Variants in ABCA3 observed in about 807,000 individuals in gnomAD.
ABCA3 encodes the protein phospholipid-transporting ATPase ABCA3.
A neutral mutation model predicts 172.8 loss-of-function variants in ABCA3; 88 were observed. The observed-to-expected ratio is 0.51, with a 90% CI of 0.43 to 0.61. The LOEUF is 0.61. Among genes scored for constraint, ABCA3 ranks in the 20% least tolerant of loss-of-function variants. The probability of loss-of-function intolerance (pLI) is 0.00; values close to 1 mark genes in which losing one functional copy is unlikely to be tolerated. For missense variants in ABCA3, 2,164 were observed against 2,301.0 expected (o/e 0.94, Z 1.22); for synonymous variants, 1,066 against 983.8 (o/e 1.08, Z -1.56).
In ABCA3 at chr16:2,297,861, C is replaced by T. The variant is rs759373802; in HGVS notation, c.1957G>A (p.Gly653Ser). The T allele has an allele frequency of 2.0e-5, 32 of 1,613,692 alleles. No individual in the cohort carries two copies. Among genetic ancestry groups the T allele is most frequent in the Non-Finnish European group, 2.3e-5 (27 of 1,180,040 alleles). ...EEVKQMLHII[G>S]LEDKWNSRSR... ...CGTGAGTTCCACTTGTCCTCCAGGCCGATGATGTGCAGCATCTGCTTGACT... is the reference window on the plus strand; with the variant it reads ...CGTGAGTTCCACTTGTCCTCCAGGCTGATGATGTGCAGCATCTGCTTGACT... Residue 653 changes from glycine to serine, a missense_variant, in exon 16 of 33, where the codon GGC (glycine) becomes AGC (serine). Around this residue, in one of 3 missense-constraint regions of ABCA3, gnomAD observed 1,343 missense variants for 1,369.6 expected, o/e 0.98. Coordinates refer to ENST00000301732, the MANE Select transcript of ABCA3 (RefSeq NM_001089.3). This position sits in a 1 kb window ranked among gnomAD's most constrained non-coding sequence, Gnocchi z 5.6.
chr16:2,297,448 G>A lies in ABCA3; in HGVS notation c.2144C>T (p.Thr715Ile), dbSNP rs1166372031. 1 of 1,613,828 alleles carries A rather than the reference G, an allele frequency of 6.2e-7. No individual in the cohort carries two copies. Among genetic ancestry groups the A allele is most frequent in the South Asian group, 1.1e-5 (1 of 91,084 alleles). The change falls in exon 17 of 33, where the codon ACC (threonine) becomes ATC (isoleucine). Residue 715 changes from threonine (T) to isoleucine (I), a missense_variant. Physicochemically the swap from Thr to Ile is moderately conservative, Grantham distance 89. Coordinates refer to ENST00000301732, the MANE Select transcript of ABCA3 (RefSeq NM_001089.3). The surrounding 1 kb of genome is among the most constrained non-coding windows in gnomAD (Gnocchi z 5.6). ...CATGAAGTGGGTGGTCAGCACGATGGTGCGGTCACTTTTCTGCCGCTGAAG... is the reference window on the plus strand; with the variant it reads ...CATGAAGTGGGTGGTCAGCACGATGATGCGGTCACTTTTCTGCCGCTGAAG... The part of the protein sequence containing the change: ...DLLQRQKSDR[T>I]IVLTTHFMDE...
chr16:2,314,872 C>CTTT lies in ABCA3; in HGVS notation c.1111+2408_1111+2410dup, dbSNP rs35616252. ...ACAGGCATGAGCCATAGTGCCTGGT[C>CTTT]TTTTTTTTTTTTTTTTTTTTTTTTG... On this transcript the variant is annotated intron_variant, in intron 10 of 32. Coordinates refer to ENST00000301732, the MANE Select transcript of ABCA3 (RefSeq NM_001089.3). Among the ~76,000 whole-genome samples the CTTT allele has an allele frequency of 8.2e-4, 77 of 93,484 alleles. 1 individual carries two copies. The highest frequency in any genetic ancestry group is 1.6e-3 in the African/African-American group (36 of 23,094). The allele number at this position is 93,484 out of a possible 152,430, so 61.3% of individuals were successfully genotyped here.
chr16:2,306,774 G>C (rs2093698256), intron 11 of ABCA3, among the ~76,000 whole-genome samples: 1 of 152,126 alleles, frequency 6.6e-6, no homozygotes, highest in Admixed American at 6.5e-5. Context: ...CCAGCACTTT[G>C]GGAGGCCGAG....
intron 2 of ABCA3, among the ~76,000 whole-genome samples, chr16:2,329,183 C>G (rs1029358259): frequency 1.6e-4 from 25 of 152,018 alleles, no homozygotes; most frequent in Admixed American, 2.0e-4. Context: ...GTATGAAGTG[C>G]TATTAAGGGG....
chr16:2,337,412 C>T (rs1250584225), intron 1 of ABCA3, among the ~76,000 whole-genome samples: 2 of 150,036 alleles, frequency 1.3e-5, no homozygotes, highest in Non-Finnish European at 1.5e-5. Context: ...ACTCTTTTGC[C>T]TAGGCTGGAG....
At chr16:2,335,811 GA>G (rs1179581966) in intron 1 of ABCA3, among the ~76,000 whole-genome samples, 1 of 152,166 alleles carries the variant, frequency 6.6e-6, no homozygotes, top group African/African-American at 2.4e-5. Context: ...CTTAAATAGC[GA>G]AAGCTTTACA....
chr16:2,276,927 CACCCCAGA>C lies in ABCA3; in HGVS notation c.4984-130_4984-123del, dbSNP rs1398361535. The C allele has an allele frequency of 1.8e-5, 26 of 1,412,338 alleles. No individual in the cohort carries two copies. The African/African-American group carries it at 3.1e-4, about 17-fold the overall frequency. The allele number at this position is 1,412,338 out of a possible 1,614,324, so 87.5% of individuals were successfully genotyped here. On this transcript the variant is annotated intron_variant, in intron 32 of 32. Coordinates refer to ENST00000301732, the MANE Select transcript of ABCA3 (RefSeq NM_001089.3). The stretch of plus-strand genomic sequence containing the variant: ...CCACAATCCTACCCCTGCCCAGCGC[CACCCCAGA>C]GCCCCAGAGAGGTCAGCCCTGCGAC...
rs2093650137 is a variant in ABCA3 at position 2,278,485 on chromosome 16, GGAA to G, written c.4548-30_4548-28del. The stretch of plus-strand genomic sequence containing the variant: ...TAGAGGCAGGAGGGTGCCAGGTGGG[GGAA>G]TAAGGCTGAGAGTTAGCATTGGCTC... On this transcript the variant is annotated intron_variant, in intron 29 of 32. Coordinates refer to ENST00000301732, the MANE Select transcript of ABCA3 (RefSeq NM_001089.3). The surrounding 1 kb of genome is among the most constrained non-coding windows in gnomAD (Gnocchi z 4.4). 1.2e-6 allele frequency: 2 copies of G among 1,607,522 alleles called. No homozygotes were observed. Among genetic ancestry groups the G allele is most frequent in the South Asian group, 2.2e-5 (2 of 91,084 alleles).
In ABCA3 at chr16:2,285,099, C is replaced by A. The variant is rs957690217; in HGVS notation, c.3484-101G>T. 2.3e-6 allele frequency: 3 copies of A among 1,330,632 alleles called. No homozygotes were observed. The African/African-American group carries it at 4.4e-5, about 19-fold the overall frequency. 82.4% of individuals were successfully genotyped at this position (1,330,632 alleles called of 1,614,324 possible). Reference sequence around the variant, plus strand: ...GCATTTGGAGGTCCTCAGACCCCTCCCGGTCAGCTGGCCCATGTCCATCAG... The same window carrying A: ...GCATTTGGAGGTCCTCAGACCCCTCACGGTCAGCTGGCCCATGTCCATCAG... On this transcript the variant is annotated intron_variant, in intron 23 of 32. Coordinates refer to ENST00000301732, the MANE Select transcript of ABCA3 (RefSeq NM_001089.3). The surrounding 1 kb of genome is among the most constrained non-coding windows in gnomAD (Gnocchi z 4.7).
chr16:2,309,200 C>A (rs536038242), intron 10 of ABCA3, among the ~76,000 whole-genome samples: 5 of 152,226 alleles, frequency 3.3e-5, no homozygotes, highest in Non-Finnish European at 7.3e-5. Context: ...CCGGCCTTGG[C>A]CTTCCAAAGT....
chr16:2,316,315 AAAAAAAAAGAAAAAAGAAAAG>A (rs1255861815), intron 10 of ABCA3, among the ~76,000 whole-genome samples: 2 of 146,138 alleles, frequency 1.4e-5, no homozygotes, highest in African/African-American at 5.0e-5. Flanking sequence ...TCTCAAAAAA[AAAAAAAAAGAAAAAAGAAAAG>A]AAAAAAAGAA....
chr16:2,316,905 A>C (rs542728825), intron 10 of ABCA3, among the ~76,000 whole-genome samples: 43 of 152,324 alleles, frequency 2.8e-4, no homozygotes, highest in African/African-American at 9.1e-4. Context: ...AGAAGGCAGG[A>C]AAGGAAAACA....
At chr16:2,333,140 A>G (rs536078981) in intron 1 of ABCA3, among the ~76,000 whole-genome samples, 16 of 152,138 alleles carry the variant, frequency 1.1e-4, no homozygotes, top group Non-Finnish European at 1.8e-4. Context: ...AAGTTTTTAT[A>G]TCTGCATATA....
intron 3 of ABCA3, among the ~76,000 whole-genome samples, chr16:2,326,903 G>C (rs771912391): frequency 1.3e-5 from 2 of 152,102 alleles, no homozygotes; most frequent in Non-Finnish European, 2.9e-5. Context: ...CAGGAGAATC[G>C]CTTGAACCCG....
chr16:2,338,731 A>G (rs142471093), intron 1 of ABCA3, among the ~76,000 whole-genome samples: 61 of 149,950 alleles, frequency 4.1e-4, no homozygotes, highest in Middle Eastern at 3.5e-3. Context: ...CTCCAAGAGC[A>G]GGGACTGTGT....
chr16:2,299,044 T>G (rs1017220973), intron 14 of ABCA3, among the ~76,000 whole-genome samples: 4 of 143,366 alleles, frequency 2.8e-5, no homozygotes, highest in South Asian at 2.2e-4. Flanking sequence ...TCCCTGGGGG[T>G]CCCCCTGCAT....
rs764001106 is a variant in ABCA3, at chr16:2,281,059, C to T, written c.4327G>A (p.Gly1443Arg). 61 of 1,613,816 alleles carry T rather than the reference C, an allele frequency of 3.8e-5. No individual in the cohort carries two copies. Among genetic ancestry groups the T allele is most frequent in the Admixed American group, 2.8e-4 (17 of 59,998 alleles). ...ESLTSGDAFV[G>R]GHRISSDVGK... is the part of the protein sequence containing the mutation. Reference sequence around the variant, plus strand: ...ACATCAGAGCTGATTCTGTGACCCCCGACAAAGGCATCCCCAGAAGTGAGG... The same window carrying T: ...ACATCAGAGCTGATTCTGTGACCCCTGACAAAGGCATCCCCAGAAGTGAGG... Residue 1443 changes from glycine (G) to arginine (R), a missense_variant, in exon 28 of 33, where the codon GGG becomes AGG. Gly to Arg is a moderately radical substitution (Grantham distance 125). Around this residue, in one of 3 missense-constraint regions of ABCA3, gnomAD observed 795 missense variants for 881.9 expected, o/e 0.90. Transcript: ENST00000301732. The surrounding 1 kb of genome is among the most constrained non-coding windows in gnomAD (Gnocchi z 4.7).
Position 2,317,661 on chromosome 16 carries a change from A to T in ABCA3, c.977T>A (p.Leu326His), listed in dbSNP as rs121909185. ...LLIAASFMTLLFCVKVKPNVA... is the reference protein window; with the variant it reads ...LLIAASFMTLHFCVKVKPNVA... ...CGCCATGCTCACCTTGACACAGAAG[A>T]GCAGGGTCATGAAGGAGGCGGCGAT... Residue 326 changes from leucine (L) to histidine (H), a missense_variant, in exon 9 of 33, where the codon CTC becomes CAC. Physicochemically the swap from Leu to His is moderately conservative, Grantham distance 99 (BLOSUM62 -3). Transcript: ENST00000301732. 2 of 1,614,078 alleles carry T rather than the reference A, an allele frequency of 1.2e-6. No homozygotes were observed. Among genetic ancestry groups the T allele is most frequent in the African/African-American group, 2.7e-5 (2 of 74,932 alleles).
chr16:2,321,621 G>A (rs1019481791), intron 7 of ABCA3, among the ~76,000 whole-genome samples: 10 of 152,010 alleles, frequency 6.6e-5, no homozygotes, highest in Admixed American at 2.0e-4. Flanking sequence ...TCCTGGGTCC[G>A]AGTCACTTCT....
Sources: gnomAD v4.1 joint callset for allele counts (sites outside exome capture counted in the v4.1 genomes callset) on GRCh38, gnomAD v4.1.1 for gene constraint, gnomAD v4.1.1 regional missense constraint, Gnocchi (gnomAD v3.1) non-coding constraint, MANE v1.5 for transcripts, NCBI Gene and HGNC (gene_info 2026-07-23, HGNC 2026-07-21) for gene names.